The following ASB3 variants were observed in gnomAD, a reference collection of about 807,000 sequenced individuals.
The protein encoded by ASB3 is ankyrin repeat and SOCS box protein 3.
Under a neutral mutation model 54.5 loss-of-function variants are expected in ASB3, and 41 were observed. The observed-to-expected ratio is 0.75, with a 90% CI of 0.59 to 0.98. ASB3 has a LOEUF of 0.98. Among genes scored for constraint, ASB3 ranks in the 50% least tolerant of loss-of-function variants. The pLI is 0.00. For missense variants in ASB3, 733 were observed against 620.0 expected, an observed-to-expected ratio of 1.18 and a Z score of -1.94; for synonymous variants, 266 against 221.2, an observed-to-expected ratio of 1.20 and a Z score of -1.80.
At chr2:53,757,565 C>T (rs1672905095) in intron 2 of ASB3, among the ~76,000 whole-genome samples, 1 of 152,312 alleles carries the variant, frequency 6.6e-6, no homozygotes, top group Admixed American at 6.5e-5. Flanking sequence ...CTACTTCCTC[C>T]GATCCCTGCC....
At chr2:53,694,896 A>G (rs918202328) in intron 8 of ASB3, among the ~76,000 whole-genome samples, 2 of 152,174 alleles carry the variant, frequency 1.3e-5, no homozygotes, top group Admixed American at 6.5e-5. Context: ...AAAAATTGGT[A>G]TTACCAGAAA....
intron 9 of ASB3, among the ~76,000 whole-genome samples, chr2:53,689,809 T>C (rs1668813624): frequency 6.6e-6 from 1 of 152,188 alleles, no homozygotes; most frequent in African/African-American, 2.4e-5. Flanking sequence ...CATTTTTCTT[T>C]TGCTTCTACT....
At chr2:53,679,941 T>C (rs1668277018) in intron 9 of ASB3, among the ~76,000 whole-genome samples, 1 of 152,158 alleles carries the variant, frequency 6.6e-6, no homozygotes, top group South Asian at 2.1e-4. Flanking sequence ...CCCTTCTACG[T>C]GTCCCTAGGT....
At chr2:53,733,608 A>C (rs941164006) in intron 3 of ASB3, among the ~76,000 whole-genome samples, 1 of 151,872 alleles carries the variant, frequency 6.6e-6, no homozygotes, top group Admixed American at 6.6e-5. Flanking sequence ...CACCCACCTA[A>C]TTTTTGTATT....
rs186266756 is a variant in ASB3 at position 53,710,994 on chromosome 2, G to A, written c.980+3390C>T. Among the ~76,000 whole-genome samples, 783 of 152,018 alleles carry A rather than the reference G, an allele frequency of 5.2e-3. 3 individuals are homozygous for A. Among genetic ancestry groups the A allele is most frequent in the Middle Eastern group, 0.02 (6 of 294 alleles). On this transcript the variant is annotated intron_variant, in intron 7 of 9. Transcript: ENST00000263634. ...ACAAAAAAAAAAAATTCCAGGCATG[G>A]TGGCGCACAACCGTAGTCCCAGCTA...
chr2:53,674,742 AT>A (rs1667989298), intron 9 of ASB3, among the ~76,000 whole-genome samples: 2 of 152,054 alleles, frequency 1.3e-5, no homozygotes, highest in Admixed American at 1.3e-4. Flanking sequence ...TCATTAATAT[AT>A]TGTCTTTCTC....
rs182392224 is a variant in ASB3 at position 53,716,455 on chromosome 2, A to G, written c.782+111T>C. 3.7e-6 allele frequency: 5 copies of G among 1,335,464 alleles called. No individual in the cohort carries two copies. The African/African-American group carries it at 7.3e-5, about 20-fold the overall frequency. 82.7% of individuals were successfully genotyped at this position (1,335,464 alleles called of 1,614,324 possible). On this transcript the variant is annotated intron_variant, in intron 6 of 9. Coordinates refer to ENST00000263634, the MANE Select transcript of ASB3 (RefSeq NM_016115.5). ...AGATCTGTTCACCCAGCAGATTGGT[A>G]GGGAAGAGAATATCAAAGACTTTGC...
At chr2:53,746,014 G>T (rs1386390864) in intron 3 of ASB3, among the ~76,000 whole-genome samples, 1 of 152,178 alleles carries the variant, frequency 6.6e-6, no homozygotes, top group East Asian at 1.9e-4. Flanking sequence ...AAGATAAAAA[G>T]ATTGTCCAAG....
At chr2:53,763,591 G>A (rs532214770) in intron 2 of ASB3, 2 of 169,356 alleles carry the variant, frequency 1.2e-5, no homozygotes, top group South Asian at 4.1e-4. Flanking sequence ...AATTCCCTGT[G>A]GATATGGCAG....
intron 9 of ASB3, 41 bp from the exon 10 acceptor site, chr2:53,670,731 G>T (rs749670735): frequency 5.7e-6 from 9 of 1,580,308 alleles, no homozygotes; most frequent in African/African-American, 4.1e-5. Context: ...TTTTTAAACA[G>T]AAAGATGTAA....
intron 3 of ASB3, among the ~76,000 whole-genome samples, chr2:53,730,835 C>T (rs1671266904): frequency 1.3e-5 from 2 of 151,954 alleles, no homozygotes; most frequent in South Asian, 4.1e-4. Flanking sequence ...TACAGTTATT[C>T]TGTATCTCCC....
chr2:53,744,400 A>T lies in ASB3; in HGVS notation c.355+6383T>A, dbSNP rs183262147. Reference sequence around the variant, plus strand: ...ACTCTGTCTCAAAAAAATAAATAAAAAAATTAAAAAAAATAAAACATAGGT... The same window carrying T: ...ACTCTGTCTCAAAAAAATAAATAAATAAATTAAAAAAAATAAAACATAGGT... On this transcript the variant is annotated intron_variant, in intron 3 of 9. Transcript: ENST00000263634. 6.5e-4 allele frequency among the ~76,000 whole-genome samples: 99 copies of T among 151,836 alleles called. 1 individual carries two copies. In the East Asian group the frequency reaches 6.6e-3, roughly 10 times the overall value.
At chr2:53,699,434 T>A (rs1387631887) in intron 8 of ASB3, among the ~76,000 whole-genome samples, 2 of 152,184 alleles carry the variant, frequency 1.3e-5, no homozygotes, top group Admixed American at 1.3e-4. Flanking sequence ...ACTGGGCAAG[T>A]CATATCGAAT....
At chr2:53,782,707 C>T (rs2542584) in intron 1 of ASB3, among the ~76,000 whole-genome samples, 77,491 of 151,958 alleles carry the variant, frequency 0.51, 20,078 homozygotes, top group East Asian at 0.62. Context: ...AGGAAAGAGG[C>T]AACTCGTTTC....
chr2:53,765,255 A>T, intron 2 of ASB3, 122 bp downstream of exon 2: 5 of 1,329,684 alleles, frequency 3.8e-6, no homozygotes, highest in Non-Finnish European at 5.1e-6. Flanking sequence ...AAATTCAGGC[A>T]GTTATTTTAT....
At chr2:53,760,693 A>G (rs1348796027) in intron 2 of ASB3, among the ~76,000 whole-genome samples, 1 of 152,216 alleles carries the variant, frequency 6.6e-6, no homozygotes, top group Non-Finnish European at 1.5e-5. Flanking sequence ...CACCCATCAG[A>G]TGGCCAAATC....
intron 2 of ASB3, among the ~76,000 whole-genome samples, chr2:53,758,069 A>T (rs1672935743): frequency 1.3e-5 from 2 of 152,220 alleles, no homozygotes; most frequent in Non-Finnish European, 1.5e-5. Flanking sequence ...TAGTAAAGAA[A>T]AAACAGTGCA....
At chr2:53,694,684 G>C (rs984997823) in intron 8 of ASB3, 29 of 152,206 alleles carry the variant, frequency 1.9e-4, no homozygotes, top group African/African-American at 6.7e-4. Flanking sequence ...AAACCTAATG[G>C]AAAGAGCACT....
At chr2:53,768,186 A>G (rs1010072073) in intron 1 of ASB3, 7 of 795,018 alleles carry the variant, frequency 8.8e-6, no homozygotes, top group Non-Finnish European at 1.3e-5. Context: ...CCTGCCCGCC[A>G]TCTCTAACCC....
Sources: gnomAD v4.1 joint callset for allele counts (sites outside exome capture counted in the v4.1 genomes callset) on GRCh38, gnomAD v4.1.1 for gene constraint, MANE v1.5 for transcripts, NCBI Gene and HGNC (gene_info 2026-07-23, HGNC 2026-07-21) for gene names.